The following TMEM132B variants were observed in gnomAD, a reference collection of about 807,000 sequenced individuals.
The protein encoded by TMEM132B is transmembrane protein 132B.
A neutral mutation model predicts 90.8 loss-of-function variants in TMEM132B; 18 were observed. That is an observed-to-expected ratio of 0.20 (90% CI 0.14 to 0.29). TMEM132B has a LOEUF of 0.29. Among genes scored for constraint, TMEM132B ranks in the 10% least tolerant of loss-of-function variants. TMEM132B has a pLI of 1.00. For synonymous variants in TMEM132B, 504 were observed against 523.3 expected (o/e 0.96, Z 0.50); for missense variants, 1,096 against 1,326.8 (o/e 0.83, Z 2.70).
chr12:125,595,956 A>T (rs897303676), intron 5 of TMEM132B, among the ~76,000 whole-genome samples: 1 of 151,766 alleles, frequency 6.6e-6, no homozygotes, highest in Non-Finnish European at 1.5e-5. Context: ...AGACAAACAC[A>T]TGTCCTCTTT....
intron 1 of TMEM132B, among the ~76,000 whole-genome samples, chr12:125,249,713 C>A (rs1283855663): frequency 6.6e-6 from 1 of 152,212 alleles, no homozygotes; most frequent in Non-Finnish European, 1.5e-5. Flanking sequence ...TGACAGTTGT[C>A]ATCAAGCTAT....
chr12:125,570,746 T>C (rs1884771235), intron 4 of TMEM132B, among the ~76,000 whole-genome samples: 1 of 152,218 alleles, frequency 6.6e-6, no homozygotes, highest in East Asian at 1.9e-4. Flanking sequence ...CATCCTTGCT[T>C]ATCTCTGAGT....
chr12:125,468,670 T>C (rs1313737674), intron 3 of TMEM132B, among the ~76,000 whole-genome samples: 2 of 152,224 alleles, frequency 1.3e-5, no homozygotes, highest in Non-Finnish European at 2.9e-5. Flanking sequence ...TATTTTGAAC[T>C]TGTAGATTGT....
intron 5 of TMEM132B, among the ~76,000 whole-genome samples, chr12:125,591,274 C>G (rs1407828376): frequency 1.7e-4 from 26 of 152,062 alleles, no homozygotes; most frequent in Non-Finnish European, 1.5e-5. Context: ...TCTGGAAGCT[C>G]TAGGGGAGAA....
intron 4 of TMEM132B, among the ~76,000 whole-genome samples, chr12:125,540,942 C>T (rs1433485337): frequency 6.6e-6 from 1 of 152,262 alleles, no homozygotes; most frequent in Non-Finnish European, 1.5e-5. Flanking sequence ...TCCCCTCCAG[C>T]CATATTGGCC....
At chr12:125,608,015 C>G (rs189941857) in intron 5 of TMEM132B, among the ~76,000 whole-genome samples, 63 of 152,238 alleles carry the variant, frequency 4.1e-4, no homozygotes, top group African/African-American at 1.3e-3. Context: ...GTTGATTTCA[C>G]TTTTTGAGTT....
At chr12:125,483,445 G>A (rs1345697508) in intron 3 of TMEM132B, among the ~76,000 whole-genome samples, 2 of 151,966 alleles carry the variant, frequency 1.3e-5, no homozygotes, top group East Asian at 1.9e-4. Flanking sequence ...AAAAAACAAT[G>A]TAACTAAAAA....
intron 5 of TMEM132B, among the ~76,000 whole-genome samples, chr12:125,609,953 C>T (rs1885786568): frequency 1.4e-5 from 2 of 145,810 alleles, no homozygotes; most frequent in South Asian, 4.4e-4. Context: ...TTTTGTACCT[C>T]TTTCTTAGTT....
chr12:125,603,243 T>TGGTACC (rs112176095), intron 5 of TMEM132B, among the ~76,000 whole-genome samples: 1 of 152,308 alleles, frequency 6.6e-6, no homozygotes, highest in African/African-American at 2.4e-5. Flanking sequence ...AGCATGGTAC[T>TGGTACC]GGTACCAAAA....
chr12:125,399,201 A>G (rs1879242776), intron 2 of TMEM132B, among the ~76,000 whole-genome samples: 1 of 152,200 alleles, frequency 6.6e-6, no homozygotes, highest in Non-Finnish European at 1.5e-5. Context: ...TTAATTAGTT[A>G]CAAGGAAGTC....
At chr12:125,189,302 T>C (rs1957781517) in intron 1 of TMEM132B, among the ~76,000 whole-genome samples, 1 of 152,212 alleles carries the variant, frequency 6.6e-6, no homozygotes. Flanking sequence ...GCGGTGCAGT[T>C]ACAGTCCCTG....
rs77051441 is a variant in TMEM132B, at chr12:125,336,245, A to G, written c.68-13207A>G. 1.6e-4 allele frequency among the ~76,000 whole-genome samples: 25 copies of G among 152,320 alleles called. No individual in the cohort carries two copies. The East Asian group carries it at 4.8e-3, about 29-fold the overall frequency. Reference sequence around the variant, plus strand: ...TGTTATGTAAGTGCACTTGGACAGCATGTGGCTTTCTGAGGTTGCCTTCTT... The same window carrying G: ...TGTTATGTAAGTGCACTTGGACAGCGTGTGGCTTTCTGAGGTTGCCTTCTT... On this transcript the variant is annotated intron_variant, in intron 1 of 8. Coordinates refer to ENST00000682704, the MANE Select transcript of TMEM132B (RefSeq NM_001366854.1).
intron 3 of TMEM132B, among the ~76,000 whole-genome samples, chr12:125,431,239 A>G (rs1880494973): frequency 6.6e-6 from 1 of 152,098 alleles, no homozygotes; most frequent in Admixed American, 6.5e-5. Flanking sequence ...GGTGAGGGCT[A>G]TCGCCATCAT....
intron 3 of TMEM132B, among the ~76,000 whole-genome samples, chr12:125,428,768 T>G (rs1481638567): frequency 6.6e-6 from 1 of 152,246 alleles, no homozygotes; most frequent in Non-Finnish European, 1.5e-5. Flanking sequence ...AAATGACATT[T>G]TATTTGATTT....
chr12:125,534,984 T>C (rs1445062337), intron 4 of TMEM132B, among the ~76,000 whole-genome samples: 5 of 152,198 alleles, frequency 3.3e-5, no homozygotes, highest in African/African-American at 1.2e-4. Context: ...GAAAGATCTG[T>C]TGGACAGCGC....
At chr12:125,474,758 G>A (rs1207731946) in intron 3 of TMEM132B, among the ~76,000 whole-genome samples, 1 of 152,194 alleles carries the variant, frequency 6.6e-6, no homozygotes, top group African/African-American at 2.4e-5. Context: ...TGGATCCAGG[G>A]GGACCTGACC....
At position 125,558,784 on chromosome 12, in the gene TMEM132B, C is replaced by T. The variant is rs116393215; in HGVS notation, c.1294-25067C>T. On this transcript the variant is annotated intron_variant, in intron 4 of 8. Coordinates refer to ENST00000682704, the MANE Select transcript of TMEM132B (RefSeq NM_001366854.1). ...TAATTAAGCTATCAATTGATCCACC[C>T]ACTCATCCACCAATCCTTTCTCCAG... Among the ~76,000 whole-genome samples the T allele has an allele frequency of 4.8e-4, 73 of 152,280 alleles. 1 individual carries two copies. The highest frequency in any genetic ancestry group is 1.6e-3 in the African/African-American group (68 of 41,564).
At chr12:125,651,884 G>T (rs1247391191) in intron 7 of TMEM132B, among the ~76,000 whole-genome samples, 1 of 152,024 alleles carries the variant, frequency 6.6e-6, no homozygotes, top group African/African-American at 2.4e-5. Flanking sequence ...GGTCACCAGG[G>T]GTCACTCTGC....
chr12:125,228,383 T>C (rs916133284), intron 1 of TMEM132B, among the ~76,000 whole-genome samples: 1 of 152,144 alleles, frequency 6.6e-6, no homozygotes, highest in Admixed American at 6.5e-5. Context: ...TCTTGATTAA[T>C]GGAGAGTTGT....
Sources: allele counts gnomAD v4.1 joint callset (sites outside exome capture counted in the v4.1 genomes callset), GRCh38; gene constraint gnomAD v4.1.1; transcripts MANE v1.5; gene names NCBI Gene and HGNC (gene_info 2026-07-23, HGNC 2026-07-21).